The following CFAP20DC variants were observed in gnomAD, a reference collection of about 807,000 sequenced individuals.
CFAP20DC encodes protein CFAP20DC.
In CFAP20DC, 84 loss-of-function variants were observed where a neutral mutation model predicts 101.7. The observed-to-expected ratio is 0.83, with a 90% CI of 0.69 to 0.99. CFAP20DC has a LOEUF of 0.99. CFAP20DC is among the 50% of genes least tolerant of loss of function. The probability of loss-of-function intolerance (pLI) is 0.00; values close to 1 mark genes in which losing one functional copy is unlikely to be tolerated. For missense variants in CFAP20DC, 1,007 were observed against 970.3 expected (o/e 1.04, Z -0.50); for synonymous variants, 359 against 351.2 (o/e 1.02, Z -0.25).
Position 58,795,055 on chromosome 3 carries a change from C to A in CFAP20DC, c.2237+11340G>T, listed in dbSNP as rs375548430. On this transcript the variant is annotated intron_variant, in intron 15 of 16. Transcript: ENST00000482387. The surrounding 1 kb of genome is among the most constrained non-coding windows in gnomAD (Gnocchi z 4.2). ...TTTAGGTTAATGTTATTCTCCTAAA[C>A]CTCAACTTGCATTCCCTCCCCACCT... Among the ~76,000 whole-genome samples, 1 of 152,060 alleles carries A rather than the reference C, an allele frequency of 6.6e-6. No homozygotes were observed. Among genetic ancestry groups the A allele is most frequent in the South Asian group, 2.1e-4 (1 of 4,830 alleles).
chr3:58,937,039 G>C (rs1576390500), intron 5 of CFAP20DC, among the ~76,000 whole-genome samples: 1 of 151,848 alleles, frequency 6.6e-6, no homozygotes, highest in African/African-American at 2.4e-5. Flanking sequence ...ACAGGGTACT[G>C]AGAGTAATAT....
chr3:59,024,107 T>C (rs2093851513), intron 4 of CFAP20DC, among the ~76,000 whole-genome samples: 1 of 152,116 alleles, frequency 6.6e-6, no homozygotes, highest in African/African-American at 2.4e-5. Context: ...AATGTATTAC[T>C]ACCTTGCCAA....
At chr3:58,962,195 C>G (rs1445723378) in intron 4 of CFAP20DC, among the ~76,000 whole-genome samples, 1 of 152,142 alleles carries the variant, frequency 6.6e-6, no homozygotes, top group Admixed American at 6.6e-5. Flanking sequence ...ACATTTCATA[C>G]ATTTTGGTAT....
chr3:58,810,121 G>T (rs550671918), intron 14 of CFAP20DC, among the ~76,000 whole-genome samples: 4 of 152,196 alleles, frequency 2.6e-5, no homozygotes, highest in African/African-American at 9.6e-5. Flanking sequence ...TTCTATCAGA[G>T]GTACAAGGAG....
Position 59,034,076 on chromosome 3 carries a change from T to C in CFAP20DC, c.278+5481A>G, listed in dbSNP as rs1210934048. ...TTCTTAAAGACTTTTCAACCCGGAA[T>C]TTCATATCCAGTCAAACTAAGCTTC... On this transcript the variant is annotated intron_variant, in intron 4 of 16. Coordinates refer to ENST00000482387, the MANE Select transcript of CFAP20DC (RefSeq NM_001394063.1). Among the ~76,000 whole-genome samples, 2 of 152,192 alleles carry C rather than the reference T, an allele frequency of 1.3e-5. 1 individual carries two copies. The highest frequency in any genetic ancestry group is 2.9e-5 in the Non-Finnish European group (2 of 68,038).
At chr3:58,806,484 T>C (rs557166153) in intron 14 of CFAP20DC, 28 bp from the exon 15 acceptor site, 4 of 1,552,860 alleles carry the variant, frequency 2.6e-6, no homozygotes, top group African/African-American at 2.7e-5. Context: ...TTTGTGAATG[T>C]TTAATCAGCA....
chr3:59,038,843 G>T (rs1257321326), intron 4 of CFAP20DC, among the ~76,000 whole-genome samples: 1 of 151,910 alleles, frequency 6.6e-6, no homozygotes, highest in Non-Finnish European at 1.5e-5. Context: ...ATTTATTCTG[G>T]CATGGAAAAT....
Position 58,717,644 on chromosome 3 carries a change from G to C in CFAP20DC, c.198-16C>G, listed in dbSNP as rs2067415137. The C allele has an allele frequency of 4.6e-6, 2 of 433,054 alleles. No individual in the cohort carries two copies. The highest frequency in any genetic ancestry group is 9.1e-6 in the Non-Finnish European group (2 of 220,304). 26.8% of individuals were successfully genotyped at this position (433,054 alleles called of 1,614,324 possible). A position where few individuals can be genotyped will look rare whatever the true frequency, so the allele number is the denominator to read the frequency against. ...GACATTTCTTCTGCATTTCAGGTAG[G>C]AGAAGAGAGAAGAAAAAAAAAAAAG... is the stretch of plus-strand genomic sequence containing the variant. On this transcript the variant is annotated splice_polypyrimidine_tract_variant and intron_variant, in intron 3 of 3. Transcript: ENST00000486145. This position sits in a 1 kb window ranked among gnomAD's most constrained non-coding sequence, Gnocchi z 4.1.
chr3:58,888,084 T>A (rs2081809466), intron 6 of CFAP20DC, among the ~76,000 whole-genome samples: 1 of 152,224 alleles, frequency 6.6e-6, no homozygotes, highest in Non-Finnish European at 1.5e-5. Context: ...AATCACCATC[T>A]TTTCTATGTC....
intron 14 of CFAP20DC, among the ~76,000 whole-genome samples, chr3:58,813,026 T>A (rs924032494): frequency 1.3e-5 from 2 of 151,870 alleles, no homozygotes; most frequent in Admixed American, 6.6e-5. Context: ...ATACATTTAG[T>A]CTCAGTGTTA....
At chr3:58,993,172 CATAA>C (rs1342612928) in intron 4 of CFAP20DC, among the ~76,000 whole-genome samples, 1 of 152,174 alleles carries the variant, frequency 6.6e-6, no homozygotes, top group Non-Finnish European at 1.5e-5. Flanking sequence ...TGATTTTCTA[CATAA>C]ACTATGCATT....
At chr3:58,833,579 G>C (rs1203716285) in intron 13 of CFAP20DC, among the ~76,000 whole-genome samples, 1 of 152,094 alleles carries the variant, frequency 6.6e-6, no homozygotes, top group African/African-American at 2.4e-5. Flanking sequence ...AACACGTATT[G>C]GCAAGGATGT....
intron 3 of CFAP20DC, among the ~76,000 whole-genome samples, chr3:58,718,599 C>T (rs1028855249): frequency 3.9e-5 from 6 of 152,226 alleles, no homozygotes; most frequent in Non-Finnish European, 7.3e-5. Context: ...TGCCAATCTG[C>T]CTAAGGCACC....
chr3:59,042,882 T>C (rs1425935608), intron 3 of CFAP20DC, among the ~76,000 whole-genome samples: 1 of 152,114 alleles, frequency 6.6e-6, no homozygotes, highest in Non-Finnish European at 1.5e-5. Flanking sequence ...CAACAAGACC[T>C]TCCAGATAGA....
At chr3:58,891,196 GC>G (rs1432124111) in intron 6 of CFAP20DC, among the ~76,000 whole-genome samples, 1 of 152,092 alleles carries the variant, frequency 6.6e-6, no homozygotes. Context: ...GCCGAGGCTG[GC>G]GGATCACTCG....
At chr3:58,918,455 A>G (rs932406451) in intron 5 of CFAP20DC, among the ~76,000 whole-genome samples, 2 of 152,158 alleles carry the variant, frequency 1.3e-5, no homozygotes, top group African/African-American at 4.8e-5. Context: ...TCATCTTCTA[A>G]CATCCTGTTC....
rs187288316 is a variant in CFAP20DC at position 58,776,287 on chromosome 3, T to C, written c.2238-22424A>G. 8.3e-4 allele frequency among the ~76,000 whole-genome samples: 126 copies of C among 152,294 alleles called. 1 individual carries two copies. Among genetic ancestry groups the C allele is most frequent in the Admixed American group, 3.1e-3 (48 of 15,302 alleles). ...GAGATTGTTGAGCTAAAGACAGTTA[T>C]GAAGACACAGATGCAGGAAAACTCT... is the stretch of plus-strand genomic sequence containing the variant. On this transcript the variant is annotated intron_variant, in intron 15 of 16. Transcript: ENST00000482387.
chr3:58,978,663 C>T (rs753106412), intron 4 of CFAP20DC, among the ~76,000 whole-genome samples: 51 of 150,362 alleles, frequency 3.4e-4, no homozygotes, highest in Non-Finnish European at 3.4e-4. Flanking sequence ...GGGCCAAGAT[C>T]GCCCCACTGC....
At chr3:58,786,779 A>G (rs1318496363) in intron 15 of CFAP20DC, among the ~76,000 whole-genome samples, 2 of 145,800 alleles carry the variant, frequency 1.4e-5, no homozygotes, top group Non-Finnish European at 3.0e-5. Context: ...CTTAATAAGG[A>G]AAGAAAAAAA....
Sources: allele counts gnomAD v4.1 joint callset (sites outside exome capture counted in the v4.1 genomes callset), GRCh38; gene constraint gnomAD v4.1.1; non-coding constraint Gnocchi (gnomAD v3.1); transcripts MANE v1.5; gene names NCBI Gene and HGNC (gene_info 2026-07-23, HGNC 2026-07-21).